The following ABLIM1 variants were observed in gnomAD, a reference collection of about 807,000 sequenced individuals.
ABLIM1 encodes the protein actin-binding LIM protein 1.
Under a neutral mutation model 107.0 loss-of-function variants are expected in ABLIM1, and 40 were observed. The ratio of observed to expected loss-of-function variants is 0.37; its 90% confidence interval spans 0.29 to 0.49. The LOEUF is 0.49. Among genes scored for constraint, ABLIM1 ranks in the 20% least tolerant of loss-of-function variants. The pLI, the probability that ABLIM1 is intolerant of heterozygous loss-of-function variation, is 0.97. For synonymous variants in ABLIM1, 357 were observed against 357.3 expected (o/e 1.00, Z 0.01); for missense variants, 857 against 1,008.5 (o/e 0.85, Z 2.04).
intron 22 of ABLIM1, among the ~76,000 whole-genome samples, chr10:114,437,073 G>A (rs2059516663): frequency 6.6e-6 from 1 of 152,162 alleles, no homozygotes; most frequent in South Asian, 2.1e-4. Context: ...TGTGGAAACA[G>A]CCAAGAAAGA....
chr10:114,638,553 C>G (rs1215168628), intron 1 of ABLIM1, among the ~76,000 whole-genome samples: 1 of 152,018 alleles, frequency 6.6e-6, no homozygotes, highest in Non-Finnish European at 1.5e-5. Flanking sequence ...GCCATGGGCC[C>G]TCTCTTTGGG....
chr10:114,486,563 C>A (rs757549347), intron 8 of ABLIM1, among the ~76,000 whole-genome samples: 22 of 152,198 alleles, frequency 1.4e-4, no homozygotes, highest in Non-Finnish European at 2.5e-4. Context: ...GAGCCCACAA[C>A]CAGGTGACTA....
At chr10:114,732,214 C>T (rs2082091176) in intron 1 of ABLIM1, among the ~76,000 whole-genome samples, 1 of 125,282 alleles carries the variant, frequency 8.0e-6, no homozygotes, top group Non-Finnish European at 1.6e-5. Flanking sequence ...GACAGAGTCT[C>T]GCTCAGTCAC....
chr10:114,769,481 GA>G, upstream of ABLIM1, among the ~76,000 whole-genome samples: 5 of 133,386 alleles, frequency 3.7e-5, no homozygotes, highest in East Asian at 2.2e-4. Flanking sequence ...GAAAGAAAGA[GA>G]AAGAAAGAAA....
At position 114,667,009 on chromosome 10, in the gene ABLIM1, A is replaced by C. The variant is rs556833607; in HGVS notation, c.64+17281T>G. Among the ~76,000 whole-genome samples, 7 of 152,318 alleles carry C rather than the reference A, an allele frequency of 4.6e-5. No individual in the cohort carries two copies. In the East Asian group the frequency reaches 1.4e-3, roughly 29 times the overall value. ...CATTTGCAACTCATAAAAAGAAAAA[A>C]GCACCACTGTCCACGTCTCCACCCT... is the stretch of plus-strand genomic sequence containing the variant. On this transcript the variant is annotated intron_variant, in intron 1 of 23. Transcript: ENST00000369256.
intron 3 of ABLIM1, among the ~76,000 whole-genome samples, chr10:114,573,118 A>T (rs1174944354): frequency 6.6e-6 from 1 of 152,088 alleles, no homozygotes; most frequent in East Asian, 1.9e-4. Context: ...CTTTTCAGTA[A>T]TTTCCTCCCT....
chr10:114,617,674 C>G (rs946454015), intron 1 of ABLIM1, among the ~76,000 whole-genome samples: 1 of 152,176 alleles, frequency 6.6e-6, no homozygotes, highest in African/African-American at 2.4e-5. Flanking sequence ...CTCCACAGAC[C>G]AACTGACTTT....
chr10:114,530,220 A>G (rs1247498288), intron 6 of ABLIM1, among the ~76,000 whole-genome samples: 1 of 152,140 alleles, frequency 6.6e-6, no homozygotes, highest in African/African-American at 2.4e-5. Context: ...GCTACTAATC[A>G]CAGGTGTTGT....
At chr10:114,635,329 G>A (rs1399528296) in intron 1 of ABLIM1, among the ~76,000 whole-genome samples, 4 of 152,212 alleles carry the variant, frequency 2.6e-5, no homozygotes, top group African/African-American at 7.2e-5. Flanking sequence ...TTTCAGTAGC[G>A]ATGCCAATTA....
At chr10:114,759,920 A>G (rs2082708602) in intron 1 of ABLIM1, among the ~76,000 whole-genome samples, 1 of 152,210 alleles carries the variant, frequency 6.6e-6, no homozygotes, top group Non-Finnish European at 1.5e-5. Flanking sequence ...TATAACTTAT[A>G]TAGTATATGT....
intron 1 of ABLIM1, among the ~76,000 whole-genome samples, chr10:114,634,474 A>T (rs963214204): frequency 1.3e-5 from 2 of 152,032 alleles, no homozygotes; most frequent in African/African-American, 2.4e-5. Context: ...AAACTCTGAG[A>T]TTTAAGTTTA....
At chr10:114,573,040 G>A (rs781513944) in intron 3 of ABLIM1, among the ~76,000 whole-genome samples, 20 of 152,196 alleles carry the variant, frequency 1.3e-4, no homozygotes, top group Non-Finnish European at 2.1e-4. Context: ...TATGGGACAA[G>A]CCAGAATCCA....
the ABLIM1 span, among the ~76,000 whole-genome samples, chr10:114,787,630 T>A: frequency 2.4e-5 from 2 of 84,190 alleles, no homozygotes; most frequent in Non-Finnish European, 2.5e-5. Context: ...AGGTGAGGGG[T>A]GCCTCTGCCC....
intron 8 of ABLIM1, among the ~76,000 whole-genome samples, chr10:114,474,454 C>T (rs2067199067): frequency 6.8e-6 from 1 of 146,836 alleles, no homozygotes; most frequent in Non-Finnish European, 1.5e-5. Flanking sequence ...GATCTTGGCT[C>T]ACTGCAAGCT....
chr10:114,748,260 T>A (rs1404289350), intron 1 of ABLIM1, among the ~76,000 whole-genome samples: 1 of 152,150 alleles, frequency 6.6e-6, no homozygotes, highest in Admixed American at 6.5e-5. Flanking sequence ...TTATCTCTAA[T>A]ATTTTTGAGT....
At chr10:114,607,122 G>A (rs2076470842) in intron 1 of ABLIM1, among the ~76,000 whole-genome samples, 1 of 152,174 alleles carries the variant, frequency 6.6e-6, no homozygotes, top group Non-Finnish European at 1.5e-5. Flanking sequence ...GAATGCAGTG[G>A]TGCGATCTTG....
At chr10:114,777,203 C>G in the ABLIM1 span, among the ~76,000 whole-genome samples, 1 of 152,070 alleles carries the variant, frequency 6.6e-6, no homozygotes, top group Non-Finnish European at 1.5e-5. Context: ...TTGCTGTGTT[C>G]TGCCTGTAAA....
intron 8 of ABLIM1, among the ~76,000 whole-genome samples, chr10:114,485,991 T>C (rs2058132459): frequency 6.6e-6 from 1 of 152,148 alleles, no homozygotes; most frequent in Admixed American, 6.5e-5. Context: ...ACTTCTGAGC[T>C]TTCCAAAGAC....
At chr10:114,756,942 C>A (rs2082642757) in intron 1 of ABLIM1, among the ~76,000 whole-genome samples, 1 of 152,172 alleles carries the variant, frequency 6.6e-6, no homozygotes, top group Non-Finnish European at 1.5e-5. Context: ...CACTCTGGAA[C>A]TCTATAAGGA....
Sources: allele counts gnomAD v4.1 joint callset (sites outside exome capture counted in the v4.1 genomes callset), GRCh38; gene constraint gnomAD v4.1.1; transcripts MANE v1.5; gene names NCBI Gene and HGNC (gene_info 2026-07-23, HGNC 2026-07-21).